CCDC7: variants seen among roughly 807,000 people sequenced by gnomAD.
CCDC7 encodes coiled-coil domain containing 7, also known as coiled-coil domain-containing protein 7.
In CCDC7, 183 loss-of-function variants were observed where a neutral mutation model predicts 196.9. That is an observed-to-expected ratio of 0.93 (90% CI 0.82 to 1.05). The LOEUF (loss-of-function observed/expected upper bound fraction) is 1.05. CCDC7 is among the 50% of genes least tolerant of loss of function. CCDC7 has a pLI of 0.00. For synonymous variants in CCDC7, 525 were observed against 484.6 expected, an observed-to-expected ratio of 1.08 and a Z score of -1.10; for missense variants, 1,540 against 1,482.2, an observed-to-expected ratio of 1.04 and a Z score of -0.64.
intron 18 of CCDC7, among the ~76,000 whole-genome samples, chr10:32,593,345 TC>T (rs1251854919): frequency 6.6e-6 from 1 of 152,242 alleles, no homozygotes; most frequent in Admixed American, 6.5e-5. Context: ...ATAAATATCT[TC>T]TTTTGAGAAG....
intron 24 of CCDC7, among the ~76,000 whole-genome samples, chr10:32,705,923 T>C (rs1162742995): frequency 1.3e-5 from 2 of 152,006 alleles, no homozygotes; most frequent in African/African-American, 4.8e-5. Context: ...GACAGAAAGT[T>C]AACAAGGATA....
rs529381823 is a variant in CCDC7 at position 32,870,146 on chromosome 10, C to T, written c.4112-6201C>T. On this transcript the variant is annotated intron_variant, in intron 41 of 41. Transcript: ENST00000639629. Reference sequence around the variant, plus strand: ...ATTCTGTGAAGAAAGTCATTGGTAGCTTAATGGGGATGGCATTGAATCTGT... The same window carrying T: ...ATTCTGTGAAGAAAGTCATTGGTAGTTTAATGGGGATGGCATTGAATCTGT... Among the ~76,000 whole-genome samples, 106 of 152,178 alleles carry T rather than the reference C, an allele frequency of 7.0e-4. 1 individual carries two copies. In the Middle Eastern group the frequency reaches 0.014, roughly 20 times the overall value.
rs562429362 is a variant in CCDC7, at chr10:32,619,226, T to C, written c.1802-15028T>C. Among the ~76,000 whole-genome samples the C allele has an allele frequency of 6.6e-5, 10 of 152,164 alleles. 1 individual carries two copies. The highest frequency in any genetic ancestry group is 2.4e-4 in the African/African-American group (10 of 41,560). Reference sequence around the variant, plus strand: ...AAAGCATCAAGTAACATGAAAAACATAGTAAAACTTTTGAGCAATATAAGA... The same window carrying C: ...AAAGCATCAAGTAACATGAAAAACACAGTAAAACTTTTGAGCAATATAAGA... On this transcript the variant is annotated intron_variant, in intron 18 of 41. Coordinates refer to ENST00000639629, the Ensembl canonical transcript of CCDC7.
chr10:32,777,604 C>T (rs1322301419), intron 28 of CCDC7, among the ~76,000 whole-genome samples: 1 of 152,098 alleles, frequency 6.6e-6, no homozygotes, highest in Non-Finnish European at 1.5e-5. Flanking sequence ...TGCCTGTCAT[C>T]CCAGCACTTT....
Position 32,602,082 on chromosome 10 carries a change from C to T in CCDC7, c.1801+17778C>T, listed in dbSNP as rs552089408. On this transcript the variant is annotated intron_variant, in intron 18 of 41. Transcript: ENST00000639629. ...CTTGCTGCTGCTCACTCTTTGGGTC[C>T]GCACTACCTTTATAAGCTGTAACAC... Among the ~76,000 whole-genome samples the T allele has an allele frequency of 3.1e-3, 468 of 152,196 alleles. 1 individual carries two copies. Among genetic ancestry groups the T allele is most frequent in the African/African-American group, 0.011 (440 of 41,522 alleles).
At chr10:32,670,187 A>G (rs1463281489) in intron 21 of CCDC7, among the ~76,000 whole-genome samples, 1 of 152,026 alleles carries the variant, frequency 6.6e-6, no homozygotes, top group Non-Finnish European at 1.5e-5. Flanking sequence ...AATGAAGACA[A>G]TGCAATTTAT....
At chr10:32,734,945 AAAAT>A (rs1430287460) in intron 28 of CCDC7, among the ~76,000 whole-genome samples, 2 of 151,080 alleles carry the variant, frequency 1.3e-5, no homozygotes, top group Admixed American at 6.6e-5. Context: ...AAAATAAAAT[AAAAT>A]AAATTTTAAA....
intron 3 of CCDC7, among the ~76,000 whole-genome samples, chr10:32,461,735 A>G (rs1356430733): frequency 0.011 from 672 of 60,742 alleles, 12 homozygotes; most frequent in African/African-American, 0.042. Flanking sequence ...ATATATGTAT[A>G]TATATATATA....
chr10:32,855,745 C>T (rs1290040566), intron 41 of CCDC7, among the ~76,000 whole-genome samples: 3 of 152,128 alleles, frequency 2.0e-5, no homozygotes, highest in Non-Finnish European at 2.9e-5. Context: ...AGTTGGAGAC[C>T]CTGCCCCTAT....
At chr10:32,695,289 G>A (rs1014731034) in intron 24 of CCDC7, among the ~76,000 whole-genome samples, 1 of 152,186 alleles carries the variant, frequency 6.6e-6, no homozygotes, top group Non-Finnish European at 1.5e-5. Flanking sequence ...ATGAGTCCAA[G>A]TGTTCAACAG....
intron 24 of CCDC7, among the ~76,000 whole-genome samples, chr10:32,702,944 A>C (rs2079016591): frequency 6.6e-6 from 1 of 152,130 alleles, no homozygotes; most frequent in Non-Finnish European, 1.5e-5. Flanking sequence ...AATACAGCAC[A>C]CTGATGGGTC....
At chr10:32,718,313 G>T (rs1025414315) in intron 25 of CCDC7, among the ~76,000 whole-genome samples, 3 of 151,942 alleles carry the variant, frequency 2.0e-5, no homozygotes, top group African/African-American at 7.2e-5. Context: ...TGCAGAAAAG[G>T]CCTTTGAGAA....
chr10:32,726,410 G>T (rs1269913494), intron 25 of CCDC7, among the ~76,000 whole-genome samples: 2 of 151,836 alleles, frequency 1.3e-5, no homozygotes, highest in East Asian at 3.9e-4. Flanking sequence ...TGAATAATGT[G>T]CATACAAATT....
intron 28 of CCDC7, among the ~76,000 whole-genome samples, chr10:32,746,437 G>A (rs1214001407): frequency 6.6e-6 from 1 of 152,168 alleles, no homozygotes; most frequent in Non-Finnish European, 1.5e-5. Context: ...GATTCCAGAG[G>A]GTTTGGCGCT....
chr10:32,847,579 G>A (rs2093355553), intron 37 of CCDC7, among the ~76,000 whole-genome samples: 1 of 151,928 alleles, frequency 6.6e-6, no homozygotes. Context: ...GCCAGGCATG[G>A]TGGTGCACAC....
intron 20 of CCDC7, among the ~76,000 whole-genome samples, chr10:32,640,875 TC>T (rs1371621737): frequency 0.21 from 13,576 of 63,508 alleles, 685 homozygotes; most frequent in Non-Finnish European, 0.29. Context: ...TTTTTTTTTT[TC>T]TTTTTTTTTT....
At chr10:32,877,573 C>T (rs999684115), downstream of CCDC7, among the ~76,000 whole-genome samples, 6 of 152,014 alleles carry the variant, frequency 3.9e-5, no homozygotes, top group Non-Finnish European at 8.8e-5. Flanking sequence ...TCAGTTTGCC[C>T]CTATGAACTA....
At chr10:32,621,376 A>G (rs1029184072) in intron 18 of CCDC7, among the ~76,000 whole-genome samples, 1 of 152,200 alleles carries the variant, frequency 6.6e-6, no homozygotes, top group African/African-American at 2.4e-5. Context: ...CAATTTCCAA[A>G]GCCTTACATG....
chr10:32,635,282 C>T (rs1481067035), intron 20 of CCDC7, 124 bp downstream of exon 21: 1 of 380,376 alleles, frequency 2.6e-6, no homozygotes, highest in Non-Finnish European at 4.6e-6. Context: ...TAGATCTATA[C>T]TGGTGTCTCT....
Sources: allele counts gnomAD v4.1 joint callset (sites outside exome capture counted in the v4.1 genomes callset), GRCh38; gene constraint gnomAD v4.1.1; transcripts MANE v1.5; gene names NCBI Gene and HGNC (gene_info 2026-07-23, HGNC 2026-07-21).